AMBRA1: variants seen among roughly 807,000 people sequenced by gnomAD.
AMBRA1 encodes autophagy and beclin 1 regulator 1.
A neutral mutation model predicts 125.4 loss-of-function variants in AMBRA1; 47 were observed. The observed-to-expected ratio is 0.37, with a 90% confidence interval of 0.30 to 0.48. AMBRA1 has a LOEUF of 0.48. Among genes scored for constraint, AMBRA1 ranks in the 20% least tolerant of loss-of-function variants. The pLI is 0.99. For missense variants in AMBRA1, 1,331 were observed against 1,693.4 expected (o/e 0.79, Z 3.76); for synonymous variants, 626 against 655.5 (o/e 0.95, Z 0.69).
chr11:46,426,760 G>A (rs1051474927), intron 14 of AMBRA1, among the ~76,000 whole-genome samples: 3 of 152,184 alleles, frequency 2.0e-5, no homozygotes, highest in Admixed American at 1.3e-4. Flanking sequence ...TAATTGCAGC[G>A]GAAGCAGCTT....
intron 14 of AMBRA1, among the ~76,000 whole-genome samples, chr11:46,421,257 G>A (rs1946837944): frequency 6.6e-6 from 1 of 152,178 alleles, no homozygotes; most frequent in Non-Finnish European, 1.5e-5. Context: ...GAGTCATGGG[G>A]GCATCAATCT....
At chr11:46,427,374 T>C in intron 14 of AMBRA1, among the ~76,000 whole-genome samples, 1 of 152,144 alleles carries the variant, frequency 6.6e-6, no homozygotes, top group East Asian at 1.9e-4. Flanking sequence ...TACCCAACGG[T>C]ATAAAAGAAA....
chr11:46,470,640 CG>C (rs1265505159), intron 11 of AMBRA1, among the ~76,000 whole-genome samples: 1 of 149,962 alleles, frequency 6.7e-6, no homozygotes, highest in Non-Finnish European at 1.5e-5. Context: ...CATGGGCCTG[CG>C]GTCCTAGCTA....
In AMBRA1 at chr11:46,518,779, T is replaced by C. The variant is rs142314527; in HGVS notation, c.2073-5966A>G. ...GGAAAAAAAACATCAAAAATGAATA[T>C]TAAGCTCTGCTAAAATCATAATAGG... is the stretch of plus-strand genomic sequence containing the variant. On this transcript the variant is annotated intron_variant, in intron 7 of 17. Transcript: ENST00000683756. Among the ~76,000 whole-genome samples, 598 of 152,334 alleles carry C rather than the reference T, an allele frequency of 3.9e-3. 3 individuals carry two copies. Among genetic ancestry groups the C allele is most frequent in the African/African-American group, 0.014 (584 of 41,580 alleles).
At chr11:46,453,714 C>A (rs1948726367) in intron 11 of AMBRA1, among the ~76,000 whole-genome samples, 1 of 152,066 alleles carries the variant, frequency 6.6e-6, no homozygotes, top group Non-Finnish European at 1.5e-5. Context: ...TTTCTGCAAA[C>A]CACAAAAATA....
chr11:46,566,370 A>G (rs1489418578), intron 1 of AMBRA1, among the ~76,000 whole-genome samples: 1 of 151,992 alleles, frequency 6.6e-6, no homozygotes, highest in Non-Finnish European at 1.5e-5. Flanking sequence ...GTGAGCCGAG[A>G]TTGAGCCACG....
At chr11:46,493,272 C>G (rs1449813253) in intron 11 of AMBRA1, among the ~76,000 whole-genome samples, 1 of 152,028 alleles carries the variant, frequency 6.6e-6, no homozygotes, top group Non-Finnish European at 1.5e-5. Flanking sequence ...TCATGAGTAT[C>G]TCACCAACCA....
intron 1 of AMBRA1, among the ~76,000 whole-genome samples, chr11:46,559,674 G>T (rs1045838243): frequency 6.6e-6 from 1 of 152,094 alleles, no homozygotes; most frequent in Non-Finnish European, 1.5e-5. Flanking sequence ...GCAATCTGGG[G>T]ATATAGGAGT....
At chr11:46,523,465 G>A (rs972818537) in intron 7 of AMBRA1, among the ~76,000 whole-genome samples, 6 of 152,080 alleles carry the variant, frequency 3.9e-5, no homozygotes, top group African/African-American at 1.2e-4. Context: ...GCACATTAAC[G>A]TCCTCCAGCA....
intron 1 of AMBRA1, among the ~76,000 whole-genome samples, chr11:46,590,469 GA>G (rs773903252): frequency 2.9e-4 from 41 of 142,296 alleles, no homozygotes; most frequent in East Asian, 6.1e-4. Context: ...ATCTCTTCAG[GA>G]AAAAAAAAAA....
At chr11:46,434,046 T>G (rs1433277744) in intron 13 of AMBRA1, among the ~76,000 whole-genome samples, 1 of 132,160 alleles carries the variant, frequency 7.6e-6, no homozygotes, top group South Asian at 2.3e-4. Context: ...ACCCGGGAGG[T>G]AGAGGTTGCG....
At position 46,559,934 on chromosome 11, in the gene AMBRA1, T is replaced by C. The variant is rs565796378; in HGVS notation, c.-120-11434A>G. 2.8e-4 allele frequency among the ~76,000 whole-genome samples: 42 copies of C among 152,312 alleles called. 1 individual carries two copies. The East Asian group carries it at 7.7e-3, about 28-fold the overall frequency. Reference sequence around the variant, plus strand: ...GTTATAAAATTTCAAGACAAGATTATTACTTTTCAAAGTAAAACTCAAGAT... The same window carrying C: ...GTTATAAAATTTCAAGACAAGATTACTACTTTTCAAAGTAAAACTCAAGAT... On this transcript the variant is annotated intron_variant, in intron 1 of 17. Transcript: ENST00000683756.
intron 1 of AMBRA1, among the ~76,000 whole-genome samples, chr11:46,590,139 G>C (rs377259278): frequency 2.0e-5 from 3 of 151,660 alleles, no homozygotes; most frequent in African/African-American, 7.3e-5. Context: ...TTGGGAGGCC[G>C]AGGTGGGCAG....
At chr11:46,493,358 G>A (rs139333130) in intron 11 of AMBRA1, among the ~76,000 whole-genome samples, 1 of 152,014 alleles carries the variant, frequency 6.6e-6, no homozygotes, top group South Asian at 2.1e-4. Flanking sequence ...GAAACAAATG[G>A]TTTAAACAAA....
At chr11:46,586,111 A>G (rs1186464357) in intron 1 of AMBRA1, among the ~76,000 whole-genome samples, 1 of 152,174 alleles carries the variant, frequency 6.6e-6, no homozygotes, top group African/African-American at 2.4e-5. Context: ...GCCGAAAATA[A>G]TAATGATTTT....
intron 1 of AMBRA1, among the ~76,000 whole-genome samples, chr11:46,557,119 A>T (rs1416584989): frequency 6.8e-6 from 1 of 146,624 alleles, no homozygotes; most frequent in Non-Finnish European, 1.5e-5. Context: ...CTGGGCAACA[A>T]GAGCGAAACT....
rs915442170 is a variant in AMBRA1 at position 46,572,263 on chromosome 11, T to G, written c.-121+21565A>C. Among the ~76,000 whole-genome samples, 18 of 152,088 alleles carry G rather than the reference T, an allele frequency of 1.2e-4. No homozygotes were observed. In the East Asian group the frequency reaches 3.3e-3, roughly 28 times the overall value. ...TTGCAGGGAGCAGAGATCGTGCAAC[T>G]GCACTCCAGCCTGGTGATAGAGCGA... On this transcript the variant is annotated intron_variant, in intron 1 of 17. Coordinates refer to ENST00000683756, the MANE Select transcript of AMBRA1 (RefSeq NM_001387011.1).
intron 1 of AMBRA1, among the ~76,000 whole-genome samples, chr11:46,573,033 G>A (rs1591161533): frequency 6.6e-6 from 1 of 151,610 alleles, no homozygotes. Flanking sequence ...CCTGGGAGGT[G>A]GAGGTTGGAC....
intron 17 of AMBRA1, among the ~76,000 whole-genome samples, chr11:46,400,483 T>G (rs1012024337): frequency 4.4e-5 from 3 of 67,530 alleles, no homozygotes; most frequent in Non-Finnish European, 2.8e-5. Flanking sequence ...GTTTTTTTTT[T>G]TTTTTTTTTT....
Sources: gnomAD v4.1 joint callset for allele counts (sites outside exome capture counted in the v4.1 genomes callset) on GRCh38, gnomAD v4.1.1 for gene constraint, MANE v1.5 for transcripts, NCBI Gene and HGNC (gene_info 2026-07-23, HGNC 2026-07-21) for gene names.